Variants in DMAC2 observed in about 807,000 individuals in gnomAD.
The protein encoded by DMAC2 is distal membrane arm assembly component 2.
A neutral mutation model predicts 29.6 loss-of-function variants in DMAC2; 32 were observed. That is an observed-to-expected ratio of 1.08 (90% CI 0.81 to 1.45). DMAC2 has a LOEUF of 1.45. Among genes scored for constraint, DMAC2 ranks in the 40% most tolerant of loss-of-function variants. The pLI is 0.00. For synonymous variants in DMAC2, 133 were observed against 137.4 expected, an observed-to-expected ratio of 0.97 and a Z score of 0.23; for missense variants, 319 against 340.0, an observed-to-expected ratio of 0.94 and a Z score of 0.49.
rs782765915 is a variant in DMAC2 at position 41,433,311 on chromosome 19, C to A, written c.557G>T (p.Arg186Leu). ...LQELSLAGCP[R>L]ISERGLACLH... Reference sequence around the variant, plus strand: ...GCAGGCGAGGCCCCGTTCGGAGATGCGGGGGCAACCGGCCAGCGAGAGCTC... The same window carrying A: ...GCAGGCGAGGCCCCGTTCGGAGATGAGGGGGCAACCGGCCAGCGAGAGCTC... Residue 186 changes from arginine (R) to leucine (L), a missense_variant, in exon 5 of 6, where the codon CGC becomes CTC. Coordinates refer to ENST00000221943, the MANE Select transcript of DMAC2 (RefSeq NM_018035.3). 42 of 1,610,824 alleles carry A rather than the reference C, an allele frequency of 2.6e-5. No individual in the cohort carries two copies. The East Asian group carries it at 4.7e-4, about 18-fold the overall frequency.
chr19:41,438,250 T>G lies in DMAC2; in HGVS notation c.183A>C (p.Gln61His). Residue 61 changes from glutamine to histidine, a missense_variant, in exon 2 of 6, where the codon CAA becomes CAC. By Grantham distance (24) the Gln-to-His change is conservative (BLOSUM62 0). Transcript: ENST00000221943. ...DVEALRDYLL[Q>H]REMYKVHEKN... ...TCTCATGCACCTTGTACATCTCCCT[T>G]TGGAGCAAGTAATCCCTCAGAGCCT... 1 of 1,614,248 alleles carries G rather than the reference T, an allele frequency of 6.2e-7. No homozygotes were observed.
At chr19:41,436,497 G>A (rs1555771224) in intron 2 of DMAC2, 25 bp from the exon 3 acceptor site, 1 of 1,606,522 alleles carries the variant, frequency 6.2e-7, no homozygotes, top group African/African-American at 1.3e-5. Context: ...GTAGCTAAGG[G>A]TGAGGCCTGG....
At chr19:41,435,539 C>T (rs1555770911) in intron 3 of DMAC2, among the ~76,000 whole-genome samples, 1 of 150,076 alleles carries the variant, frequency 6.7e-6, no homozygotes, top group Non-Finnish European at 1.5e-5. Context: ...CAAAGTGCTG[C>T]GATTACAGGT....
At position 41,432,244 on chromosome 19, in the gene DMAC2, G is replaced by A; in HGVS notation, c.761C>T (p.Pro254Leu). Residue 254 changes from proline to leucine, a missense_variant, in exon 6 of 6, where the codon CCT becomes CTT. Physicochemically the swap from Pro to Leu is moderately conservative, Grantham distance 98. Transcript: ENST00000221943. Reference protein sequence around the residue: ...PEEQPRDTASPVPA With the variant: ...PEEQPRDTASLVPA ...CAGGGCTAAAGGCTAGGCAGGGACAGGGCTGGCTGTGTCCCGAGGCTGCTC... is the reference window on the plus strand; with the variant it reads ...CAGGGCTAAAGGCTAGGCAGGGACAAGGCTGGCTGTGTCCCGAGGCTGCTC... The A allele has an allele frequency of 6.2e-7, 1 of 1,613,914 alleles. No homozygotes were observed. The highest frequency in any genetic ancestry group is 2.2e-5 in the East Asian group (1 of 44,890).
intron 1 of DMAC2, 78 bp from the exon 2 acceptor site, chr19:41,438,492 C>T: frequency 3.2e-6 from 4 of 1,246,200 alleles, no homozygotes; most frequent in Non-Finnish European, 4.4e-6. Context: ...GTTCTTGCTC[C>T]ATGAACCTCA....
chr19:41,437,576 G>A (rs1313195661), intron 2 of DMAC2, among the ~76,000 whole-genome samples: 1 of 152,120 alleles, frequency 6.6e-6, no homozygotes, highest in Non-Finnish European at 1.5e-5. Flanking sequence ...GCGGGCGCCT[G>A]TAATCCCAGC....
chr19:41,435,389 GC>G (rs1242526592), intron 3 of DMAC2, among the ~76,000 whole-genome samples: 2 of 152,030 alleles, frequency 1.3e-5, no homozygotes, highest in African/African-American at 2.4e-5. Flanking sequence ...TCCTGCCTCA[GC>G]CTCCTAAGTA....
At chr19:41,432,677 T>TGTGTGTGTGTATGC in intron 5 of DMAC2, 1 of 388,642 alleles carries the variant, frequency 2.6e-6, no homozygotes, top group Non-Finnish European at 4.6e-6. Context: ...TGTGTGTGTG[T>TGTGTGTGTGTATGC]ATAGGGAGAT....
chr19:41,432,888 G>C (rs79669520), intron 5 of DMAC2: 7 of 524,260 alleles, frequency 1.3e-5, no homozygotes, highest in Non-Finnish European at 3.4e-6. Flanking sequence ...GTGTGCGTGC[G>C]TGCATGCGTG....
chr19:41,439,118 G>A (rs2040023887), intron 1 of DMAC2: 1 of 229,032 alleles, frequency 4.4e-6, no homozygotes, highest in Non-Finnish European at 8.7e-6. Context: ...TAAGAAAGTC[G>A]AGGGGTGTGG....
In DMAC2 at chr19:41,432,811, T is replaced by C. The variant is rs578152970; in HGVS notation, c.597-403A>G. The stretch of plus-strand genomic sequence containing the variant: ...GTGTGTGTGTGTGTGTGTGTGTGTG[T>C]GTGTGTAGGGAGGTACTGGCCCCAA... On this transcript the variant is annotated intron_variant, in intron 5 of 5. Transcript: ENST00000221943. 3.1e-5 allele frequency: 15 copies of C among 490,280 alleles called. No individual in the cohort carries two copies. The East Asian group carries it at 4.7e-4, about 15-fold the overall frequency. The allele number at this position is 490,280 out of a possible 1,614,324, so 30.4% of individuals were successfully genotyped here.
At chr19:41,436,531 C>T (rs2039873989) in intron 2 of DMAC2, 59 bp from the exon 3 acceptor site, 1 of 1,386,290 alleles carries the variant, frequency 7.2e-7, no homozygotes, top group Non-Finnish European at 1.0e-6. Context: ...CCTCACGATG[C>T]CCCAGTGCTG....
In DMAC2 at chr19:41,433,526, A is replaced by C; in HGVS notation, c.433+11T>G. 1 of 1,614,174 alleles carries C rather than the reference A, an allele frequency of 6.2e-7. No individual in the cohort carries two copies. The highest frequency in any genetic ancestry group is 8.5e-7 in the Non-Finnish European group (1 of 1,180,028). ...TAGAGGCCTGTCCCATCTCCACCCC[A>C]CCGCACTCACGGAGGTTATCCAGGC... On this transcript the variant is annotated intron_variant, in intron 4 of 5. Coordinates refer to ENST00000221943, the MANE Select transcript of DMAC2 (RefSeq NM_018035.3).
chr19:41,438,416 T>C lies in DMAC2; in HGVS notation c.19-2A>G. 6.2e-7 allele frequency: 1 copy of C among 1,611,624 alleles called. No homozygotes were observed. The highest frequency in any genetic ancestry group is 8.5e-7 in the Non-Finnish European group (1 of 1,178,862). ...CATGGGGGCGACCAGGCGCAGGGACTGGGGAGGGGGAGAGGAAAGGAGCTG... is the reference window on the plus strand; with the variant it reads ...CATGGGGGCGACCAGGCGCAGGGACCGGGGAGGGGGAGAGGAAAGGAGCTG... On this transcript the variant is annotated splice_acceptor_variant, in intron 1 of 5. Transcript: ENST00000221943. LOFTEE classifies it high-confidence loss of function.
rs782571130 is a variant in DMAC2 at position 41,432,382 on chromosome 19, T to C, written c.623A>G (p.Asp208Gly). Residue 208 changes from aspartate to glycine, a missense_variant, in exon 6 of 6, where the codon GAC becomes GGC. Coordinates refer to ENST00000221943, the MANE Select transcript of DMAC2 (RefSeq NM_018035.3). ...GCCAGGGTTGGACACGGCAGGGAGG[T>C]CCGAGATGTCCAGCCTGCGGAGGTT... ...LQNLRRLDIS[D>G]LPAVSNPGLT... 1 of 1,613,664 alleles carries C rather than the reference T, an allele frequency of 6.2e-7. No individual in the cohort carries two copies. The highest frequency in any genetic ancestry group is 1.1e-5 in the South Asian group (1 of 91,074).
rs782147500 is a variant in DMAC2, at chr19:41,432,192, C to G, written c.*39G>C. ...GTGAGCTACCAGACATTCCATGCAG[C>G]CCGCTGAGAAGCCACGTGAGTGGGG... On this transcript the variant is annotated 3_prime_UTR_variant, in exon 6 of 6. Transcript: ENST00000221943. 1 of 1,591,774 alleles carries G rather than the reference C, an allele frequency of 6.3e-7. No homozygotes were observed. The highest frequency in any genetic ancestry group is 1.3e-5 in the African/African-American group (1 of 74,560).
rs540656055 is a variant in DMAC2 at position 41,439,607 on chromosome 19, C to A, written c.18+275G>T. On this transcript the variant is annotated intron_variant, in intron 1 of 5. Transcript: ENST00000221943. ...ATCCCTCCCTCTGATTGGTTAGTCGCGTCGCTCTTCGGCAGCCACTCCCTC... is the reference window on the plus strand; with the variant it reads ...ATCCCTCCCTCTGATTGGTTAGTCGAGTCGCTCTTCGGCAGCCACTCCCTC... 4.3e-4 allele frequency: 645 copies of A among 1,498,796 alleles called. 2 individuals are homozygous for A. The African/African-American group carries it at 8.1e-3, about 19-fold the overall frequency. The allele number at this position is 1,498,796 out of a possible 1,614,324, so 92.8% of individuals were successfully genotyped here. A position where few individuals can be genotyped will look rare whatever the true frequency, so the allele number is the denominator to read the frequency against.
At chr19:41,439,221 T>C in intron 1 of DMAC2, 1 of 440,106 alleles carries the variant, frequency 2.3e-6, no homozygotes, top group East Asian at 4.1e-5. Context: ...CAAATTCTTT[T>C]TTTTTTTCAA....
chr19:41,437,659 A>T (rs1265894969), intron 2 of DMAC2, among the ~76,000 whole-genome samples: 1 of 151,856 alleles, frequency 6.6e-6, no homozygotes, highest in Admixed American at 6.6e-5. Flanking sequence ...AGATTGCGCC[A>T]CTACACTCCA....
Sources: allele counts gnomAD v4.1 joint callset (sites outside exome capture counted in the v4.1 genomes callset), GRCh38; gene constraint gnomAD v4.1.1; transcripts MANE v1.5; gene names NCBI Gene and HGNC (gene_info 2026-07-23, HGNC 2026-07-21).